CEP83: variants seen among roughly 807,000 people sequenced by gnomAD.
The protein encoded by CEP83 is centrosomal protein of 83 kDa.
A neutral mutation model predicts 101.9 loss-of-function variants in CEP83; 70 were observed. That is an observed-to-expected ratio of 0.69 (90% CI 0.57 to 0.84). The LOEUF (loss-of-function observed/expected upper bound fraction) is 0.84, where lower values mean the gene tolerates loss of function less well. Among genes scored for constraint, CEP83 ranks in the 40% least tolerant of loss-of-function variants. The pLI is 0.00. For synonymous variants in CEP83, 264 were observed against 267.9 expected (o/e 0.99, Z 0.14); for missense variants, 715 against 787.2 (o/e 0.91, Z 1.10).
chr12:94,304,710 C>T (rs914592740), downstream of CEP83, among the ~76,000 whole-genome samples: 5 of 152,126 alleles, frequency 3.3e-5, no homozygotes, highest in African/African-American at 1.2e-4. Context: ...GCAATGAGTT[C>T]TTAAACATGA....
chr12:94,298,637 A>G, the CEP83 span: 1 of 1,588,844 alleles, frequency 6.3e-7, no homozygotes, highest in Non-Finnish European at 8.5e-7. Context: ...TTCAGGTGGC[A>G]ATTCATTCTG....
intron 1 of CEP83, among the ~76,000 whole-genome samples, chr12:94,452,717 G>C (rs954588682): frequency 1.4e-4 from 21 of 152,174 alleles, no homozygotes; most frequent in Non-Finnish European, 2.2e-4. Flanking sequence ...CTTGAAGGAT[G>C]AAAGAATATG....
intron 4 of CEP83, among the ~76,000 whole-genome samples, chr12:94,410,358 G>A (rs1016262514): frequency 2.0e-5 from 3 of 152,074 alleles, no homozygotes; most frequent in Non-Finnish European, 2.9e-5. Context: ...ACTTTTATCC[G>A]CTTTACCACA....
chr12:94,389,380 C>G (rs773931104), intron 6 of CEP83, among the ~76,000 whole-genome samples: 2 of 152,152 alleles, frequency 1.3e-5, no homozygotes, highest in Non-Finnish European at 2.9e-5. Flanking sequence ...AATTAAGTAT[C>G]TACTATGTGT....
chr12:94,284,183 G>A, the CEP83 span, among the ~76,000 whole-genome samples: 1 of 152,070 alleles, frequency 6.6e-6, no homozygotes, highest in East Asian at 1.9e-4. Flanking sequence ...AGCAATTTGG[G>A]GAGAGTCAGA....
At chr12:94,304,015 A>G (rs1968750223), downstream of CEP83, 2 of 1,584,744 alleles carry the variant, frequency 1.3e-6, no homozygotes, top group Non-Finnish European at 1.7e-6. Context: ...TGGCCTTGAC[A>G]GAAATTTACA....
upstream of CEP83, chr12:94,460,101 G>C (rs2068043754): frequency 1.3e-5 from 2 of 152,474 alleles, no homozygotes; most frequent in Admixed American, 6.5e-5. Flanking sequence ...CAGCGGCGGG[G>C]CCGGGCTGCG....
rs1206459962 is a variant in CEP83 at position 94,378,791 on chromosome 12, C to G, written c.801G>C (p.Glu267Asp). The G allele has an allele frequency of 1.2e-6, 2 of 1,613,740 alleles. No homozygotes were observed. Among genetic ancestry groups the G allele is most frequent in the South Asian group, 1.1e-5 (1 of 91,040 alleles). ...TACTGGGAAGTAATTAGAATCTTAC[C>G]TCCAGGGATCTGACTGTAGCCTGCA... is the stretch of plus-strand genomic sequence containing the variant. The part of the protein sequence containing the change: ...AEMQATVRSL[E>D]AEKQSANLRA... Residue 267 changes from glutamate to aspartate, a missense_variant and splice_region_variant, in exon 7 of 17, where the codon GAG becomes GAC. Physicochemically the swap from Glu to Asp is conservative, Grantham distance 45. Coordinates refer to ENST00000397809, the MANE Select transcript of CEP83 (RefSeq NM_016122.3).
At chr12:94,316,359 AAT>A (rs1465505281) in intron 14 of CEP83, among the ~76,000 whole-genome samples, 3 of 151,748 alleles carry the variant, frequency 2.0e-5, no homozygotes, top group Admixed American at 6.6e-5. Context: ...TATTAATTTT[AAT>A]AGTTTGATAG....
chr12:94,379,733 G>T (rs1181444518), intron 6 of CEP83, among the ~76,000 whole-genome samples: 1 of 152,036 alleles, frequency 6.6e-6, no homozygotes, highest in Non-Finnish European at 1.5e-5. Context: ...AAATCAGTGG[G>T]TTTCAAACTG....
intron 6 of CEP83, among the ~76,000 whole-genome samples, chr12:94,385,345 G>A (rs1175677233): frequency 6.6e-6 from 1 of 152,104 alleles, no homozygotes; most frequent in Non-Finnish European, 1.5e-5. Flanking sequence ...CCCTGTACTA[G>A]GCCTCCTCTG....
chr12:94,396,153 T>C (rs939870978), intron 6 of CEP83, among the ~76,000 whole-genome samples: 6 of 152,070 alleles, frequency 3.9e-5, no homozygotes, highest in African/African-American at 1.2e-4. Flanking sequence ...CCAGAAAATA[T>C]GAGTCCTAAT....
At chr12:94,298,903 A>G in the CEP83 span, 1 of 1,083,062 alleles carries the variant, frequency 9.2e-7, no homozygotes, top group African/African-American at 1.6e-5. Flanking sequence ...CTATATCAGA[A>G]TCTTTGGGCT....
At chr12:94,454,900 C>T (rs943289800) in intron 1 of CEP83, among the ~76,000 whole-genome samples, 5 of 151,732 alleles carry the variant, frequency 3.3e-5, no homozygotes, top group Admixed American at 6.6e-5. Flanking sequence ...CAACTCCGGA[C>T]GCGCCACCTT....
chr12:94,292,015 T>C, the CEP83 span, among the ~76,000 whole-genome samples: 5 of 152,224 alleles, frequency 3.3e-5, no homozygotes, highest in Admixed American at 6.5e-5. Context: ...CTTCTTCGCG[T>C]GTTTTTGCAG....
At chr12:94,279,906 A>G in the CEP83 span, 4 of 616,210 alleles carry the variant, frequency 6.5e-6, no homozygotes, top group Non-Finnish European at 1.2e-5. Context: ...ACGTCTGTAA[A>G]TCAGATTGAT....
intron 2 of CEP83, chr12:94,424,196 T>G: frequency 6.2e-7 from 1 of 1,608,998 alleles, no homozygotes; most frequent in Non-Finnish European, 8.5e-7. Flanking sequence ...AAACCCATTC[T>G]GAAGAGCTGT....
rs549444304 is a variant in CEP83, at chr12:94,328,742, G to A, written c.1707+2958C>T. On this transcript the variant is annotated intron_variant, in intron 14 of 16. Coordinates refer to ENST00000397809, the MANE Select transcript of CEP83 (RefSeq NM_016122.3). ...CATATGGACCATAGCTATATTAAGC[G>A]AAAAGTTGTAAAGTATTTGGAATCA... 9.2e-5 allele frequency among the ~76,000 whole-genome samples: 14 copies of A among 152,282 alleles called. 1 individual carries two copies. In the South Asian group the frequency reaches 2.3e-3, roughly 25 times the overall value.
chr12:94,349,609 A>C (rs2060109476), intron 11 of CEP83, among the ~76,000 whole-genome samples: 1 of 152,238 alleles, frequency 6.6e-6, no homozygotes, highest in Non-Finnish European at 1.5e-5. Flanking sequence ...TCGGAATAGA[A>C]GGACACTACC....
Sources: gnomAD v4.1 joint callset for allele counts (sites outside exome capture counted in the v4.1 genomes callset) on GRCh38, gnomAD v4.1.1 for gene constraint, MANE v1.5 for transcripts, NCBI Gene and HGNC (gene_info 2026-07-23, HGNC 2026-07-21) for gene names.